Variants in PHLDB2 observed in about 807,000 individuals in gnomAD.
PHLDB2 encodes pleckstrin homology like domain family B member 2.
PHLDB2 carries 71 observed loss-of-function variants against 123.6 expected under a neutral mutation model. The observed-to-expected ratio is 0.57, with a 90% CI of 0.47 to 0.70. The LOEUF (loss-of-function observed/expected upper bound fraction) is 0.70. Ranked by LOEUF, PHLDB2 falls within the 30% of genes least tolerant of loss-of-function variation. PHLDB2 has a pLI of 0.00. For missense variants in PHLDB2, 1,446 were observed against 1,519.5 expected, an observed-to-expected ratio of 0.95 and a Z score of 0.80; for synonymous variants, 547 against 541.6, an observed-to-expected ratio of 1.01 and a Z score of -0.14.
At chr3:111,751,168 GGTGTGTGTGTGT>G (rs35962012) in intron 1 of PHLDB2, among the ~76,000 whole-genome samples, 31 of 144,066 alleles carry the variant, frequency 2.2e-4, no homozygotes, top group South Asian at 9.0e-4. Flanking sequence ...GAGACAATGG[GGTGTGTGTGTGT>G]GTGTGTGTGT....
intron 1 of PHLDB2, among the ~76,000 whole-genome samples, chr3:111,802,829 G>T (rs1039293208): frequency 1.3e-5 from 2 of 152,184 alleles, no homozygotes; most frequent in African/African-American, 4.8e-5. Context: ...GAATCAATAA[G>T]GGTGGGTGGT....
At chr3:111,972,429 T>C (rs540257988) in intron 16 of PHLDB2, among the ~76,000 whole-genome samples, 1 of 152,304 alleles carries the variant, frequency 6.6e-6, no homozygotes, top group African/African-American at 2.4e-5. Context: ...ACTAGCTTTT[T>C]GTAGTTAAAA....
At chr3:111,957,331 C>G (rs983925673) in intron 12 of PHLDB2, 1 of 152,630 alleles carries the variant, frequency 6.6e-6, no homozygotes, top group Non-Finnish European at 1.5e-5. Context: ...AAGAAATGAT[C>G]AGATTTAACA....
At chr3:111,805,278 G>C (rs530355554) in intron 1 of PHLDB2, among the ~76,000 whole-genome samples, 1 of 152,232 alleles carries the variant, frequency 6.6e-6, no homozygotes, top group Non-Finnish European at 1.5e-5. Flanking sequence ...AAAATTACTG[G>C]GGCCGGGCGC....
At position 111,885,366 on chromosome 3, in the gene PHLDB2, G is replaced by T. The variant is rs375225872; in HGVS notation, c.1289G>T (p.Arg430Leu). The change falls in exon 2 of 18, where the codon CGG becomes CTG. Residue 430 changes from arginine to leucine, a missense_variant. By Grantham distance (102) the Arg-to-Leu change is moderately radical. Coordinates refer to ENST00000431670, the MANE Select transcript of PHLDB2 (RefSeq NM_001134438.2). The stretch of plus-strand genomic sequence containing the variant: ...CGTGATGACCTGATGGATTATCACC[G>T]GCGGCAGAGGGAGGAAAGACTCAGG... ...SGRDDLMDYHRRQREERLREQ... is the reference protein window; with the variant it reads ...SGRDDLMDYHLRQREERLREQ... 11 of 1,614,116 alleles carry T rather than the reference G, an allele frequency of 6.8e-6. No homozygotes were observed. The highest frequency in any genetic ancestry group is 9.3e-6 in the Non-Finnish European group (11 of 1,180,032).
At chr3:111,798,295 A>T (rs1559836981) in intron 1 of PHLDB2, among the ~76,000 whole-genome samples, 1 of 152,204 alleles carries the variant, frequency 6.6e-6, no homozygotes, top group Non-Finnish European at 1.5e-5. Context: ...GAGTGCTCTA[A>T]TTTTTCAAAA....
chr3:111,930,598 G>T (rs1415352155), intron 5 of PHLDB2, among the ~76,000 whole-genome samples: 1 of 151,868 alleles, frequency 6.6e-6, no homozygotes, highest in Non-Finnish European at 1.5e-5. Flanking sequence ...ATTCTGTATG[G>T]CTGGTTTTAT....
chr3:111,905,986 C>G (rs1365559705), intron 2 of PHLDB2, among the ~76,000 whole-genome samples: 1 of 152,046 alleles, frequency 6.6e-6, no homozygotes, highest in Non-Finnish European at 1.5e-5. Context: ...AACGATGGAC[C>G]ACAAATATGA....
chr3:111,839,787 C>A (rs576518364), intron 1 of PHLDB2, among the ~76,000 whole-genome samples: 1 of 151,876 alleles, frequency 6.6e-6, no homozygotes, highest in African/African-American at 2.4e-5. Context: ...AACATAACAC[C>A]GGCTTTAGGA....
rs1022420993 is a variant in PHLDB2, at chr3:111,859,404, C to T, written c.-187C>T. ...GGTCACCAACTTCGTTGCTCGAACT[C>T]CCTGGGTGCCCGCCGCGGTGGTTAC... is the stretch of plus-strand genomic sequence containing the variant. On this transcript the variant is annotated 5_prime_UTR_variant, in exon 1 of 18. Coordinates refer to ENST00000431670, the MANE Select transcript of PHLDB2 (RefSeq NM_001134438.2). 3.0e-6 allele frequency: 3 copies of T among 985,576 alleles called. No individual in the cohort carries two copies. The highest frequency in any genetic ancestry group is 1.1e-4 in the East Asian group (1 of 8,830). 61.1% of individuals were successfully genotyped at this position (985,576 alleles called of 1,614,324 possible). A position where few individuals can be genotyped will look rare whatever the true frequency, so the allele number is the denominator to read the frequency against.
Position 111,886,202 on chromosome 3 carries a change from A to G in PHLDB2, c.1335+790A>G, listed in dbSNP as rs545581742. On this transcript the variant is annotated intron_variant, in intron 2 of 17. Coordinates refer to ENST00000431670, the MANE Select transcript of PHLDB2 (RefSeq NM_001134438.2). ...TTTTTGATTCATGATTTCCTTAACA[A>G]GAGAAGCTGCAGGATAGTAAAGCTG... is the stretch of plus-strand genomic sequence containing the variant. Among the ~76,000 whole-genome samples the G allele has an allele frequency of 5.9e-5, 9 of 152,358 alleles. No individual in the cohort carries two copies. The South Asian group carries it at 1.2e-3, about 21-fold the overall frequency.
chr3:111,883,348 T>C (rs948647571), intron 1 of PHLDB2, among the ~76,000 whole-genome samples: 1 of 152,172 alleles, frequency 6.6e-6, no homozygotes, highest in South Asian at 2.1e-4. Context: ...AGGAGAGAAT[T>C]TGCAAGGATG....
In PHLDB2 at chr3:111,884,347, A is replaced by C. The variant is rs1407268966; in HGVS notation, c.270A>C (p.Gly90=). ...GCCCCTCCTTAGCCAAAATCCAGGG[A>C]AGCAAGCAGTTCTCTTATGATGGAA... is the stretch of plus-strand genomic sequence containing the variant. ...RSSPSLAKIQ[G]SKQFSYDGTD... The change falls in exon 2 of 18, where the codon GGA becomes GGC. Residue 90 remains glycine, a synonymous_variant. Coordinates refer to ENST00000431670, the MANE Select transcript of PHLDB2 (RefSeq NM_001134438.2). The C allele has an allele frequency of 1.2e-6, 2 of 1,614,044 alleles. No homozygotes were observed. Among genetic ancestry groups the C allele is most frequent in the Non-Finnish European group, 1.7e-6 (2 of 1,180,034 alleles).
intron 1 of PHLDB2, among the ~76,000 whole-genome samples, chr3:111,797,735 G>T (rs192082538): frequency 1.0e-3 from 159 of 152,272 alleles, no homozygotes; most frequent in African/African-American, 3.6e-3. Flanking sequence ...TTTAGAACTG[G>T]ATAGATATTT....
chr3:111,839,802 G>A (rs2063588648), intron 1 of PHLDB2, among the ~76,000 whole-genome samples: 1 of 151,810 alleles, frequency 6.6e-6, no homozygotes, highest in East Asian at 1.9e-4. Context: ...TTAGGACCGA[G>A]GTATAGAAAA....
chr3:111,740,367 A>G (rs2059582692), intron 1 of PHLDB2, among the ~76,000 whole-genome samples: 1 of 152,064 alleles, frequency 6.6e-6, no homozygotes, highest in Non-Finnish European at 1.5e-5. Context: ...AGAGAGAGAG[A>G]GAGAGAGAGA....
At chr3:111,963,926 T>A (rs1459948443) in intron 13 of PHLDB2, among the ~76,000 whole-genome samples, 1 of 152,222 alleles carries the variant, frequency 6.6e-6, no homozygotes, top group South Asian at 2.1e-4. Context: ...TTATCACTTA[T>A]TTTCCATCAT....
chr3:111,732,552 A>T, exon 1 of PHLDB2: 1 of 1,376,002 alleles, frequency 7.3e-7, no homozygotes, highest in Non-Finnish European at 1.0e-6. Flanking sequence ...AAGGAACCTC[A>T]CCTTCATGCT....
intron 1 of PHLDB2, among the ~76,000 whole-genome samples, chr3:111,815,807 A>G (rs1007457275): frequency 6.6e-6 from 1 of 152,216 alleles, no homozygotes; most frequent in African/African-American, 2.4e-5. Context: ...ATAATCCCCA[A>G]GACAATGGGG....
Sources: gnomAD v4.1 joint callset for allele counts (sites outside exome capture counted in the v4.1 genomes callset) on GRCh38, gnomAD v4.1.1 for gene constraint, MANE v1.5 for transcripts, NCBI Gene and HGNC (gene_info 2026-07-23, HGNC 2026-07-21) for gene names.